The following SYNE1 variants were observed in gnomAD, a reference collection of about 807,000 sequenced individuals.
The protein encoded by SYNE1 is spectrin repeat containing nuclear envelope protein 1.
Under a neutral mutation model 1,111.0 loss-of-function variants are expected in SYNE1, and 616 were observed. The ratio of observed to expected loss-of-function variants is 0.55; its 90% CI spans 0.52 to 0.59. SYNE1 has a LOEUF of 0.59. Ranked by LOEUF, SYNE1 falls within the 20% of genes least tolerant of loss-of-function variation. The pLI is 0.00. For missense variants in SYNE1, 10,006 were observed against 10,417.0 expected, an observed-to-expected ratio of 0.96 and a Z score of 1.72; for synonymous variants, 3,855 against 3,825.8, an observed-to-expected ratio of 1.01 and a Z score of -0.28.
Position 152,442,248 on chromosome 6 carries a change from A to G in SYNE1, c.3838-3T>C. The G allele has an allele frequency of 2.5e-6, 4 of 1,612,386 alleles. No homozygotes were observed. Among genetic ancestry groups the G allele is most frequent in the Non-Finnish European group, 3.4e-6 (4 of 1,180,014 alleles). The stretch of plus-strand genomic sequence containing the variant: ...GCTGAGATCCGCTTTGTCTTTTGCT[A>G]GAAGCATTTATTCAACAGATGGATA... On this transcript the variant is annotated splice_polypyrimidine_tract_variant and splice_region_variant and intron_variant, in intron 30 of 145. Coordinates refer to ENST00000367255, the MANE Select transcript of SYNE1 (RefSeq NM_182961.4).
At chr6:152,568,980 A>G (rs913701885) in intron 3 of SYNE1, among the ~76,000 whole-genome samples, 1 of 152,200 alleles carries the variant, frequency 6.6e-6, no homozygotes, top group Non-Finnish European at 1.5e-5. Context: ...ATAAGTTGCC[A>G]TTTTTGAAAG....
rs1491115589 is a variant in SYNE1, at chr6:152,253,817, G to GTTTTTTTTTTTTTTTTTTTTTTT, written c.19470+1062_19470+1063insAAAAAAAAAAAAAAAAAAAAAAA. Among the ~76,000 whole-genome samples the GTTTTTTTTTTTTTTTTTTTTTTT allele has an allele frequency of 1.0e-3, 61 of 59,156 alleles. 26 individuals are homozygous for GTTTTTTTTTTTTTTTTTTTTTTT. Among genetic ancestry groups the GTTTTTTTTTTTTTTTTTTTTTTT allele is most frequent in the South Asian group, 4.1e-3 (6 of 1,474 alleles). The allele number at this position is 59,156 out of a possible 152,430, so 38.8% of individuals were successfully genotyped here. A position where few individuals can be genotyped will look rare whatever the true frequency, so the allele number is the denominator to read the frequency against. ...ATGCTACATTTATGTGTAGTGGTTT[G>GTTTTTTTTTTTTTTTTTTTTTTT]GTTTTTTTTTTTTTTTTTTTTTTTT... On this transcript the variant is annotated intron_variant, in intron 104 of 145. Coordinates refer to ENST00000367255, the MANE Select transcript of SYNE1 (RefSeq NM_182961.4).
At chr6:152,450,549 C>A in intron 27 of SYNE1, 76 bp downstream of exon 27, 2 of 1,248,844 alleles carry the variant, frequency 1.6e-6, no homozygotes, top group Non-Finnish European at 1.2e-6. Flanking sequence ...TAAGTTATTT[C>A]TTGTTTTGTC....
chr6:152,604,981 AAAG>A (rs1703585732), intron 3 of SYNE1, among the ~76,000 whole-genome samples: 1 of 22,244 alleles, frequency 4.5e-5, no homozygotes, highest in Non-Finnish European at 8.5e-5. Context: ...AGAAAGAAAG[AAAG>A]AAAGAAAGAA....
chr6:152,550,547 A>G (rs2099338391), intron 3 of SYNE1, among the ~76,000 whole-genome samples: 1 of 150,906 alleles, frequency 6.6e-6, no homozygotes, highest in Non-Finnish European at 1.5e-5. Flanking sequence ...AGAATTTGTC[A>G]TCTCGTATGT....
chr6:152,574,852 C>G (rs1365255577), intron 3 of SYNE1, among the ~76,000 whole-genome samples: 1 of 152,104 alleles, frequency 6.6e-6, no homozygotes, highest in East Asian at 1.9e-4. Flanking sequence ...GAGCAGGACT[C>G]TTGAAACGTC....
In SYNE1 at chr6:152,149,539, G is replaced by A. The variant is rs2060067891; in HGVS notation, c.24580C>T (p.Arg8194Trp). 3 of 1,614,024 alleles carry A rather than the reference G, an allele frequency of 1.9e-6. No homozygotes were observed. The highest frequency in any genetic ancestry group is 1.7e-6 in the Non-Finnish European group (2 of 1,180,038). The change falls in exon 136 of 146, where the codon CGG (arginine) becomes TGG (tryptophan). Residue 8194 changes from arginine to tryptophan, a missense_variant. Around this residue, in one of 7 missense-constraint regions of SYNE1, gnomAD observed 761 missense variants for 795.5 expected, o/e 0.96. Transcript: ENST00000367255. Reference sequence around the variant, plus strand: ...CGCCCGAAGACCTCCTGGCAGTACCGTCGGAGCTCATCTAGTTCCTCCTCG... The same window carrying A: ...CGCCCGAAGACCTCCTGGCAGTACCATCGGAGCTCATCTAGTTCCTCCTCG... Reference protein sequence around the residue: ...IIEEELDELRRYCQEVFGRVE... With the variant: ...IIEEELDELRWYCQEVFGRVE...
Position 152,369,064 on chromosome 6 carries a change from G to A in SYNE1, c.9715C>T (p.Gln3239Ter), listed in dbSNP as rs149901087. ...QLNRLKEKAQ[Q>*]LWEGQAASKS... Reference sequence around the variant, plus strand: ...CTGGCAGCTTGTCCTTCCCACAGCTGCTGAGCTTTCTCTTTCAGCCTGTTG... The same window carrying A: ...CTGGCAGCTTGTCCTTCCCACAGCTACTGAGCTTTCTCTTTCAGCCTGTTG... The change falls in exon 61 of 146, where the codon CAG (glutamine) becomes TAG (stop). Residue 3239 changes from glutamine (Q) to a stop codon, truncating the protein, a stop_gained. Transcript: ENST00000367255. LOFTEE classifies it high-confidence loss of function. 1.9e-6 allele frequency: 3 copies of A among 1,614,046 alleles called. No individual in the cohort carries two copies. Among genetic ancestry groups the A allele is most frequent in the African/African-American group, 2.7e-5 (2 of 74,938 alleles).
chr6:152,426,726 A>C (rs2098363455), intron 38 of SYNE1, among the ~76,000 whole-genome samples: 1 of 152,254 alleles, frequency 6.6e-6, no homozygotes. Context: ...GGAAACAGTC[A>C]GTACAGGTTT....
At chr6:152,404,458 C>G (rs185914505) in intron 45 of SYNE1, 144 bp from the exon 46 acceptor site, 18 of 655,594 alleles carry the variant, frequency 2.7e-5, no homozygotes, top group African/African-American at 2.3e-4. Flanking sequence ...TTTCTGAGGG[C>G]TGTTATGATG....
chr6:152,423,109 C>T (rs1382532103), intron 39 of SYNE1, among the ~76,000 whole-genome samples: 1 of 152,090 alleles, frequency 6.6e-6, no homozygotes, highest in African/African-American at 2.4e-5. Flanking sequence ...AGACCTTTAC[C>T]ATGTATTCTC....
At chr6:152,346,682 C>T (rs947583565) in intron 73 of SYNE1, among the ~76,000 whole-genome samples, 9 of 151,868 alleles carry the variant, frequency 5.9e-5, no homozygotes, top group South Asian at 2.1e-4. Flanking sequence ...TGGTGGCGGG[C>T]GCCTGTAGTC....
At chr6:152,531,219 A>T (rs73008911) in intron 4 of SYNE1, among the ~76,000 whole-genome samples, 7,377 of 152,210 alleles carry the variant, frequency 0.048, 387 homozygotes, top group East Asian at 0.2. Context: ...GAAAAAAAAA[A>T]TTTGAGATTG....
rs780794124 is a variant in SYNE1 at position 152,310,401 on chromosome 6, G to A, written c.17014C>T (p.Arg5672Trp). ...TCCAAGTTAGTTTGGCTTACCTGCCGATGAGAGAGCTGCTCCTTGAGACTG... is the reference window on the plus strand; with the variant it reads ...TCCAAGTTAGTTTGGCTTACCTGCCAATGAGAGAGCTGCTCCTTGAGACTG... Reference protein sequence around the residue: ...RLSLKEQLSHRQHLLSEMESL... With the variant: ...RLSLKEQLSHWQHLLSEMESL... The change falls in exon 89 of 146, where the codon CGG becomes TGG. Residue 5672 changes from arginine (R) to tryptophan (W), a missense_variant. This residue lies in a region of SYNE1 where 4,955 missense variants were observed against 5,017.2 expected (regional missense o/e 0.99). Coordinates refer to ENST00000367255, the MANE Select transcript of SYNE1 (RefSeq NM_182961.4). 40 of 1,613,988 alleles carry A rather than the reference G, an allele frequency of 2.5e-5. No homozygotes were observed. Among genetic ancestry groups the A allele is most frequent in the Middle Eastern group, 3.3e-4 (2 of 6,084 alleles).
intron 124 of SYNE1, 63 bp from the exon 125 acceptor site, chr6:152,208,269 G>A (rs1439689507): frequency 9.7e-6 from 14 of 1,443,820 alleles, no homozygotes; most frequent in Non-Finnish European, 1.4e-5. Context: ...TACGCAATCA[G>A]CCAATGTATA....
rs961388850 is a variant in SYNE1 at position 152,148,829 on chromosome 6, T to C, written c.24643-451A>G. ...TATAAAGAAAGGCAATCTACTACCA[T>C]GCCCACCACACAACACCTACACACT... is the stretch of plus-strand genomic sequence containing the variant. On this transcript the variant is annotated intron_variant, in intron 136 of 145. Coordinates refer to ENST00000367255, the MANE Select transcript of SYNE1 (RefSeq NM_182961.4). This position sits in a 1 kb window ranked among gnomAD's most constrained non-coding sequence, Gnocchi z 4.1. 2.0e-5 allele frequency among the ~76,000 whole-genome samples: 3 copies of C among 151,822 alleles called. No individual in the cohort carries two copies. The highest frequency in any genetic ancestry group is 4.4e-5 in the Non-Finnish European group (3 of 67,912).
At chr6:152,246,288 T>C (rs1018996375) in intron 105 of SYNE1, among the ~76,000 whole-genome samples, 2 of 147,034 alleles carry the variant, frequency 1.4e-5, no homozygotes, top group African/African-American at 5.0e-5. Flanking sequence ...AGCAAACAAA[T>C]AAAAGCAAGC....
intron 6 of SYNE1, among the ~76,000 whole-genome samples, chr6:152,518,968 C>G (rs2099125865): frequency 6.6e-6 from 1 of 150,822 alleles, no homozygotes; most frequent in African/African-American, 2.4e-5. Flanking sequence ...AGGGGAACAT[C>G]ACCCACCCGG....
chr6:152,392,262 CA>C lies in SYNE1; in HGVS notation c.7713-695del, dbSNP rs889699649. 1.3e-3 allele frequency among the ~76,000 whole-genome samples: 186 copies of C among 147,660 alleles called. 1 individual carries two copies. The highest frequency in any genetic ancestry group is 4.2e-3 in the African/African-American group (168 of 40,384). On this transcript the variant is annotated intron_variant, in intron 51 of 145. Coordinates refer to ENST00000367255, the MANE Select transcript of SYNE1 (RefSeq NM_182961.4). ...CACAATATTGTGCAGAGACTAAGTG[CA>C]AAAAAAAAATGTTCTTTCGAAAAGC...
Sources: allele counts gnomAD v4.1 joint callset (sites outside exome capture counted in the v4.1 genomes callset), GRCh38; gene constraint gnomAD v4.1.1; regional missense constraint gnomAD v4.1.1; non-coding constraint Gnocchi (gnomAD v3.1); transcripts MANE v1.5; gene names NCBI Gene and HGNC (gene_info 2026-07-23, HGNC 2026-07-21).